Variants in TXNRD1 observed in about 807,000 individuals in gnomAD.
TXNRD1 encodes the protein thioredoxin reductase 1.
TXNRD1 carries 57 observed loss-of-function variants against 80.3 expected under a neutral mutation model. The ratio of observed to expected loss-of-function variants is 0.71; its 90% CI spans 0.57 to 0.89. The LOEUF is 0.89. Among genes scored for constraint, TXNRD1 ranks in the 40% least tolerant of loss-of-function variants. TXNRD1 has a pLI of 0.00. For missense variants in TXNRD1, 730 were observed against 803.0 expected (o/e 0.91, Z 1.10); for synonymous variants, 291 against 285.2 (o/e 1.02, Z -0.20).
intron 4 of TXNRD1, 138 bp downstream of exon 4, chr12:104,289,178 G>C (rs1291629753): frequency 4.0e-6 from 4 of 990,874 alleles, no homozygotes; most frequent in African/African-American, 1.6e-5. Context: ...AAAAACGCTC[G>C]TGGGCTAGCG....
chr12:104,319,101 C>A, intron 8 of TXNRD1, 46 bp downstream of exon 8: 1 of 1,547,376 alleles, frequency 6.5e-7, no homozygotes. Flanking sequence ...TCTTTTTTCT[C>A]TTTTTAAAAG....
In TXNRD1 at chr12:104,286,993, C is replaced by A; in HGVS notation, c.305-1938C>A. On this transcript the variant is annotated intron_variant, in intron 3 of 16. Coordinates refer to ENST00000525566, the MANE Select transcript of TXNRD1 (RefSeq NM_001093771.3). ...CGGCGCAGGGCGTGGCTTCTCGTAG[C>A]CATTAGGAAACAGCAACCCTTTCAC... The A allele has an allele frequency of 1.2e-5, 15 of 1,294,316 alleles. No homozygotes were observed. The South Asian group carries it at 1.9e-4, about 17-fold the overall frequency. The allele number at this position is 1,294,316 out of a possible 1,614,324, so 80.2% of individuals were successfully genotyped here.
intron 5 of TXNRD1, 100 bp from the exon 6 acceptor site, chr12:104,313,145 T>TAA (rs1373564645): frequency 1.0e-5 from 9 of 866,090 alleles, no homozygotes; most frequent in Middle Eastern, 2.4e-4. Flanking sequence ...CGTTATGCTT[T>TAA]AAGCTCTATA....
chr12:104,346,048 TG>T, intron 16 of TXNRD1: 2 of 1,246,470 alleles, frequency 1.6e-6, no homozygotes, highest in Non-Finnish European at 2.1e-6. Flanking sequence ...ATAGGGTTCC[TG>T]TCACCCAGGC....
At chr12:104,250,919 A>G (rs6539131) in intron 1 of TXNRD1, among the ~76,000 whole-genome samples, 141,336 of 152,274 alleles carry the variant, frequency 0.93, 65,735 homozygotes, top group East Asian at 1. Flanking sequence ...GTCATGTGGG[A>G]ATAACATACC....
At chr12:104,295,263 G>A (rs564402980) in intron 4 of TXNRD1, among the ~76,000 whole-genome samples, 18 of 152,212 alleles carry the variant, frequency 1.2e-4, no homozygotes, top group Admixed American at 5.2e-4. Context: ...AAATTCTGGT[G>A]GTATAGACTT....
intron 1 of TXNRD1, among the ~76,000 whole-genome samples, chr12:104,226,350 C>T (rs1460493167): frequency 1.3e-5 from 2 of 152,200 alleles, no homozygotes; most frequent in Non-Finnish European, 2.9e-5. Context: ...GGCTCACTGA[C>T]CCTTGCCTAT....
intron 3 of TXNRD1, among the ~76,000 whole-genome samples, chr12:104,260,523 C>T (rs1381420247): frequency 2.6e-5 from 4 of 152,060 alleles, no homozygotes; most frequent in African/African-American, 7.2e-5. Flanking sequence ...ACTTCCCTAA[C>T]TTCATATAAA....
chr12:104,290,720 CATATATAT>C (rs58669975), intron 4 of TXNRD1, among the ~76,000 whole-genome samples: 1,792 of 55,836 alleles, frequency 0.032, 53 homozygotes, highest in South Asian at 0.06. Flanking sequence ...AAGAAATATA[CATATATAT>C]ATATATATAT....
intron 4 of TXNRD1, among the ~76,000 whole-genome samples, chr12:104,290,184 A>T (rs968214017): frequency 6.6e-6 from 1 of 152,262 alleles, no homozygotes; most frequent in Non-Finnish European, 1.5e-5. Context: ...CCTTAGGAAA[A>T]ATACTAATAA....
At position 104,267,647 on chromosome 12, in the gene TXNRD1, ATCTT is replaced by A. The variant is rs753275941; in HGVS notation, c.304+9620_304+9623del. On this transcript the variant is annotated intron_variant, in intron 3 of 16. Coordinates refer to ENST00000525566, the MANE Select transcript of TXNRD1 (RefSeq NM_001093771.3). ...GATAGGTGTTCCTAGATGTGATGGT[ATCTT>A]TCTTTCTTTCTTTCTTTCTTTCTTT... Among the ~76,000 whole-genome samples the A allele has an allele frequency of 4.1e-4, 58 of 140,458 alleles. 1 individual carries two copies. The highest frequency in any genetic ancestry group is 1.0e-3 in the East Asian group (5 of 4,854). 92.1% of individuals were successfully genotyped at this position (140,458 alleles called of 152,430 possible).
At chr12:104,318,888 G>A (rs367624649) in intron 7 of TXNRD1, 25 bp from the exon 8 acceptor site, 7 of 1,586,458 alleles carry the variant, frequency 4.4e-6, no homozygotes, top group African/African-American at 2.7e-5. Flanking sequence ...AGCCAAACAA[G>A]ATTTTGTTTT....
chr12:104,284,290 T>G (rs1341145398), intron 3 of TXNRD1: 1 of 152,198 alleles, frequency 6.6e-6, no homozygotes, highest in Non-Finnish European at 1.5e-5. Flanking sequence ...GTTTCCTGCT[T>G]TAAGTGGAGT....
At position 104,319,491 on chromosome 12, in the gene TXNRD1, GA is replaced by G; in HGVS notation, c.901del (p.Ile301PhefsTer64). The G allele has an allele frequency of 1.9e-6, 3 of 1,589,792 alleles. No homozygotes were observed. Among genetic ancestry groups the G allele is most frequent in the Non-Finnish European group, 2.6e-6 (3 of 1,167,616 alleles). On this transcript the variant is annotated frameshift_variant, in exon 9 of 17. Coordinates refer to ENST00000525566, the MANE Select transcript of TXNRD1 (RefSeq NM_001093771.3). LOFTEE classifies it high-confidence loss of function. ...RIKATNNKGK[E>X]KIYSAERFLI... ...GTAGGCAACAAATAATAAAGGCAAA[GA>G]AAAAATTTATTCAGCAGAGAGATTT...
chr12:104,297,200 G>C (rs2034462200), intron 4 of TXNRD1, among the ~76,000 whole-genome samples: 1 of 151,268 alleles, frequency 6.6e-6, no homozygotes, highest in South Asian at 2.1e-4. Context: ...AGCTACTCAG[G>C]AGGCTGAGGC....
intron 3 of TXNRD1, among the ~76,000 whole-genome samples, chr12:104,272,480 C>T (rs902043852): frequency 1.3e-5 from 2 of 151,984 alleles, no homozygotes; most frequent in African/African-American, 2.4e-5. Flanking sequence ...GGTTGCTTTA[C>T]GAGGAAGTTA....
intron 16 of TXNRD1, chr12:104,345,997 A>G: frequency 2.3e-6 from 3 of 1,288,384 alleles, no homozygotes; most frequent in Non-Finnish European, 3.0e-6. Context: ...TACGAATGAA[A>G]TCTGTCAATT....
At chr12:104,320,399 T>C (rs1375823309) in intron 9 of TXNRD1, among the ~76,000 whole-genome samples, 2 of 152,192 alleles carry the variant, frequency 1.3e-5, no homozygotes, top group African/African-American at 4.8e-5. Context: ...TCATGAGTGC[T>C]CTGCCCTCAT....
intron 4 of TXNRD1, among the ~76,000 whole-genome samples, chr12:104,293,966 A>G (rs2034327560): frequency 6.6e-6 from 1 of 152,126 alleles, no homozygotes; most frequent in Admixed American, 6.5e-5. Context: ...GCAGAGAGGG[A>G]GAGGAGACAA....
Sources: allele counts gnomAD v4.1 joint callset (sites outside exome capture counted in the v4.1 genomes callset), GRCh38; gene constraint gnomAD v4.1.1; transcripts MANE v1.5; gene names NCBI Gene and HGNC (gene_info 2026-07-23, HGNC 2026-07-21).